The following CXCR4 variants were observed in gnomAD, a reference collection of about 807,000 sequenced individuals.
CXCR4 encodes the protein C-X-C chemokine receptor type 4.
CXCR4 carries 6 observed loss-of-function variants against 22.4 expected under a neutral mutation model. That is an observed-to-expected ratio of 0.27 (90% confidence interval 0.15 to 0.53). The LOEUF is 0.53. Ranked by LOEUF, CXCR4 falls within the 20% of genes least tolerant of loss-of-function variation. The pLI, the probability that CXCR4 is intolerant of heterozygous loss-of-function variation, is 0.96. For synonymous variants in CXCR4, 155 were observed against 171.7 expected (o/e 0.90, Z 0.76); for missense variants, 300 against 430.4 (o/e 0.70, Z 2.68).
rs1196568289 is a variant in CXCR4 at position 136,114,497 on chromosome 2, C to T, written c.*372G>A. 1.6e-5 allele frequency: 4 copies of T among 248,090 alleles called. No homozygotes were observed. Among genetic ancestry groups the T allele is most frequent in the East Asian group, 6.0e-5 (1 of 16,552 alleles). The allele number at this position is 248,090 out of a possible 1,614,324, so 15.4% of individuals were successfully genotyped here. A position where few individuals can be genotyped will look rare whatever the true frequency, so the allele number is the denominator to read the frequency against. On this transcript the variant is annotated 3_prime_UTR_variant, in exon 2 of 2. Coordinates refer to ENST00000241393, the MANE Select transcript of CXCR4 (RefSeq NM_003467.3). ...AGTGCCATCTTCTACAGCAAAATCA[C>T]GTCTTAAGAACAGGAAAAACGTTCC...
rs1221387101 is a variant in CXCR4, at chr2:136,115,801, T to C, written c.127A>G (p.Thr43Ala). 4 of 1,614,180 alleles carry C rather than the reference T, an allele frequency of 2.5e-6. No homozygotes were observed. Among genetic ancestry groups the C allele is most frequent in the Non-Finnish European group, 3.4e-6 (4 of 1,180,034 alleles). The change falls in exon 2 of 2, where the codon ACC (threonine) becomes GCC (alanine). Residue 43 changes from threonine to alanine, a missense_variant. Physicochemically the swap from Thr to Ala is moderately conservative, Grantham distance 58. This residue lies in a region of CXCR4 where 118 missense variants were observed against 188.2 expected (regional missense o/e 0.63). Coordinates refer to ENST00000241393, the MANE Select transcript of CXCR4 (RefSeq NM_003467.3). This position sits in a 1 kb window ranked among gnomAD's most constrained non-coding sequence, Gnocchi z 6.4. ...NANFNKIFLP[T>A]IYSIIFLTGI... is the part of the protein sequence containing the mutation. ...GTTAAGAAGATGATGGAGTAGATGG[T>C]GGGCAGGAAGATTTTATTGAAATTA...
chr2:136,115,458 TAGA>T lies in CXCR4; in HGVS notation c.467_469del (p.Val156_Tyr157delinsAsp). 6.2e-7 allele frequency: 1 copy of T among 1,614,208 alleles called. No homozygotes were observed. The highest frequency in any genetic ancestry group is 1.1e-5 in the South Asian group (1 of 91,086). On this transcript the variant is annotated inframe_deletion, in exon 2 of 2. Transcript: ENST00000241393. This position sits in a 1 kb window ranked among gnomAD's most constrained non-coding sequence, Gnocchi z 6.4. ...GAGGGCAGGGATCCAGACGCCAACA[TAGA>T]CCACCTTTTCAGCCAACAGCTTCCT...
rs961156208 is a variant in CXCR4, at chr2:136,115,202, G to C, written c.726C>G (p.Val242=). Residue 242 remains valine (V), a synonymous_variant, in exon 2 of 2, where the codon GTC becomes GTG. Coordinates refer to ENST00000241393, the MANE Select transcript of CXCR4 (RefSeq NM_003467.3). This position sits in a 1 kb window ranked among gnomAD's most constrained non-coding sequence, Gnocchi z 6.4. ...AGGCGAAGAAAGCCAGGATGAGGATGACTGTGGTCTTGAGGGCCTTGCGCT... is the reference window on the plus strand; with the variant it reads ...AGGCGAAGAAAGCCAGGATGAGGATCACTGTGGTCTTGAGGGCCTTGCGCT... ...HQKRKALKTT[V]ILILAFFACW... The C allele has an allele frequency of 3.1e-6, 5 of 1,613,932 alleles. No homozygotes were observed. The highest frequency in any genetic ancestry group is 4.2e-6 in the Non-Finnish European group (5 of 1,180,004).
In CXCR4 at chr2:136,114,944, G is replaced by T. The variant is rs777888690; in HGVS notation, c.984C>A (p.Ile328=). ...TSVSRGSSLK[I]LSKGKRGGHS... Reference sequence around the variant, plus strand: ...GTCCACCTCGCTTTCCTTTGGAGAGGATCTTGAGGCTGGACCCTCTGCTCA... The same window carrying T: ...GTCCACCTCGCTTTCCTTTGGAGAGTATCTTGAGGCTGGACCCTCTGCTCA... Residue 328 remains isoleucine (I), a synonymous_variant, in exon 2 of 2, where the codon ATC becomes ATA. Coordinates refer to ENST00000241393, the MANE Select transcript of CXCR4 (RefSeq NM_003467.3). 3.1e-6 allele frequency: 5 copies of T among 1,613,294 alleles called. No individual in the cohort carries two copies. In the Admixed American group the frequency reaches 8.3e-5, roughly 27 times the overall value.
At position 136,115,480 on chromosome 2, in the gene CXCR4, G is replaced by C. The variant is rs756056714; in HGVS notation, c.448C>G (p.Leu150Val). 6.2e-7 allele frequency: 1 copy of C among 1,614,230 alleles called. No individual in the cohort carries two copies. Among genetic ancestry groups the C allele is most frequent in the Non-Finnish European group, 8.5e-7 (1 of 1,180,048 alleles). Residue 150 changes from leucine (L) to valine (V), a missense_variant, in exon 2 of 2, where the codon CTG becomes GTG. Coordinates refer to ENST00000241393, the MANE Select transcript of CXCR4 (RefSeq NM_003467.3). This position sits in a 1 kb window ranked among gnomAD's most constrained non-coding sequence, Gnocchi z 6.4. Reference sequence around the variant, plus strand: ...ACATAGACCACCTTTTCAGCCAACAGCTTCCTTGGCCTCTGACTGTTGGTG... The same window carrying C: ...ACATAGACCACCTTTTCAGCCAACACCTTCCTTGGCCTCTGACTGTTGGTG... ...HATNSQRPRK[L>V]LAEKVVYVGV...
chr2:136,115,698 C>T lies in CXCR4; in HGVS notation c.230G>A (p.Arg77Lys). 3 of 1,614,210 alleles carry T rather than the reference C, an allele frequency of 1.9e-6. No homozygotes were observed. The highest frequency in any genetic ancestry group is 2.5e-6 in the Non-Finnish European group (3 of 1,180,038). The change falls in exon 2 of 2, where the codon AGG (arginine) becomes AAG (lysine). Residue 77 changes from arginine (R) to lysine (K), a missense_variant. Arg to Lys is a conservative substitution (Grantham distance 26, BLOSUM62 2). This residue lies in a region of CXCR4 where 118 missense variants were observed against 188.2 expected (regional missense o/e 0.63). Transcript: ENST00000241393. The surrounding 1 kb of genome is among the most constrained non-coding windows in gnomAD (Gnocchi z 6.4). Reference protein sequence around the residue: ...KKLRSMTDKYRLHLSVADLLF... With the variant: ...KKLRSMTDKYKLHLSVADLLF... ...GAGGTCGGCCACTGACAGGTGCAGC[C>T]TGTACTTGTCCGTCATGCTTCTCAG...
Position 136,116,220 on chromosome 2 carries a change from G to A in CXCR4, c.16-308C>T, listed in dbSNP as rs1467447497. 24 of 1,268,754 alleles carry A rather than the reference G, an allele frequency of 1.9e-5. No homozygotes were observed. In the African/African-American group the frequency reaches 2.9e-4, roughly 15 times the overall value. 78.6% of individuals were successfully genotyped at this position (1,268,754 alleles called of 1,614,324 possible). A position where few individuals can be genotyped will look rare whatever the true frequency, so the allele number is the denominator to read the frequency against. On this transcript the variant is annotated intron_variant, in intron 1 of 1. Coordinates refer to ENST00000241393, the MANE Select transcript of CXCR4 (RefSeq NM_003467.3). The stretch of plus-strand genomic sequence containing the variant: ...ACATCTTGGCTAACTCCTCTGCCCC[G>A]CCCACTAGAGGGAAGAAAAAAAACC...
At chr2:136,117,131 C>G (rs1000243153) in intron 1 of CXCR4, among the ~76,000 whole-genome samples, 2 of 152,238 alleles carry the variant, frequency 1.3e-5, no homozygotes, top group African/African-American at 4.8e-5. Flanking sequence ...TTGCACCTGC[C>G]AGTCTTCGCG....
intron 1 of CXCR4, among the ~76,000 whole-genome samples, chr2:136,117,015 C>T (rs1402811994): frequency 2.0e-5 from 3 of 152,354 alleles, no homozygotes; most frequent in South Asian, 2.1e-4. Flanking sequence ...CGCGCCGCTG[C>T]AGGAAACCAA....
chr2:136,115,923 G>T lies in CXCR4; in HGVS notation c.16-11C>A. ...ATCTGAAGTGTATATCTGCAAAAGAGGCAAAGGAATGGACATTCACTTCCA... is the reference window on the plus strand; with the variant it reads ...ATCTGAAGTGTATATCTGCAAAAGATGCAAAGGAATGGACATTCACTTCCA... On this transcript the variant is annotated splice_polypyrimidine_tract_variant and intron_variant, in intron 1 of 1. Transcript: ENST00000241393. This position sits in a 1 kb window ranked among gnomAD's most constrained non-coding sequence, Gnocchi z 6.4. The T allele has an allele frequency of 6.2e-7, 1 of 1,614,080 alleles. No individual in the cohort carries two copies. Among genetic ancestry groups the T allele is most frequent in the Non-Finnish European group, 8.5e-7 (1 of 1,180,014 alleles).
intron 1 of CXCR4, 197 bp downstream of exon 1, chr2:136,117,840 ACTCACAGAG>A (rs1674404188): frequency 1.9e-6 from 1 of 513,068 alleles, no homozygotes; most frequent in Admixed American, 3.5e-5. Context: ...TTTCTCCTCG[ACTCACAGAG>A]AAAAAGATTC....
rs1009306336 is a variant in CXCR4 at position 136,114,518 on chromosome 2, G to T, written c.*351C>A. 12 of 251,548 alleles carry T rather than the reference G, an allele frequency of 4.8e-5. No individual in the cohort carries two copies. The East Asian group carries it at 7.2e-4, about 15-fold the overall frequency. 15.6% of individuals were successfully genotyped at this position (251,548 alleles called of 1,614,324 possible). A position where few individuals can be genotyped will look rare whatever the true frequency, so the allele number is the denominator to read the frequency against. ...ATCACGTCTTAAGAACAGGAAAAACGTTCCACGGGAATGGAGAGATTATCT... is the reference window on the plus strand; with the variant it reads ...ATCACGTCTTAAGAACAGGAAAAACTTTCCACGGGAATGGAGAGATTATCT... On this transcript the variant is annotated 3_prime_UTR_variant, in exon 2 of 2. Transcript: ENST00000241393.
rs1684829777 is a variant in CXCR4 at position 136,114,542 on chromosome 2, CT to C, written c.*326del. The C allele has an allele frequency of 3.8e-6, 1 of 265,938 alleles. No homozygotes were observed. The highest frequency in any genetic ancestry group is 8.3e-5 in the South Asian group (1 of 12,076). The allele number at this position is 265,938 out of a possible 1,614,324, so 16.5% of individuals were successfully genotyped here. A position where few individuals can be genotyped will look rare whatever the true frequency, so the allele number is the denominator to read the frequency against. On this transcript the variant is annotated 3_prime_UTR_variant, in exon 2 of 2. Coordinates refer to ENST00000241393, the MANE Select transcript of CXCR4 (RefSeq NM_003467.3). ...CGTTCCACGGGAATGGAGAGATTAT[CT>C]ATGCATAAACAGCTGGGGATCATTT...
intron 1 of CXCR4, among the ~76,000 whole-genome samples, chr2:136,116,672 G>C (rs1684903568): frequency 6.6e-6 from 1 of 152,200 alleles, no homozygotes; most frequent in African/African-American, 2.4e-5. Flanking sequence ...TGGGACGTTA[G>C]GGAGCGGGGC....
rs1165657090 is a variant in CXCR4 at position 136,116,235 on chromosome 2, GA to G, written c.16-324del. 1.2e-5 allele frequency: 14 copies of G among 1,189,450 alleles called. No homozygotes were observed. In the Admixed American group the frequency reaches 1.3e-4, roughly 11 times the overall value. 73.7% of individuals were successfully genotyped at this position (1,189,450 alleles called of 1,614,324 possible). A position where few individuals can be genotyped will look rare whatever the true frequency, so the allele number is the denominator to read the frequency against. ...CCTCTGCCCCGCCCACTAGAGGGAA[GA>G]AAAAAAACCTTCCTTAGGAGGAAAA... On this transcript the variant is annotated intron_variant, in intron 1 of 1. Transcript: ENST00000241393.
In CXCR4 at chr2:136,115,254, T is replaced by C; in HGVS notation, c.674A>G (p.Lys225Arg). ...CTGGTGGCCCTTGGAGTGTGACAGC[T>C]TGGAGATGATAATGCAATAGCAGGA... Reference protein sequence around the residue: ...ILSCYCIIISKLSHSKGHQKR... With the variant: ...ILSCYCIIISRLSHSKGHQKR... The change falls in exon 2 of 2, where the codon AAG becomes AGG. Residue 225 changes from lysine to arginine, a missense_variant. Coordinates refer to ENST00000241393, the MANE Select transcript of CXCR4 (RefSeq NM_003467.3). The surrounding 1 kb of genome is among the most constrained non-coding windows in gnomAD (Gnocchi z 6.4). The C allele has an allele frequency of 6.2e-7, 1 of 1,614,002 alleles. No homozygotes were observed. Among genetic ancestry groups the C allele is most frequent in the Non-Finnish European group, 8.5e-7 (1 of 1,179,992 alleles).
At chr2:136,117,882 A>ACCCCCCCCCC in intron 1 of CXCR4, 164 bp downstream of exon 1, 2 of 110,668 alleles carry the variant, frequency 1.8e-5, no homozygotes, top group South Asian at 7.7e-5. Context: ...CCCCCCACCC[A>ACCCCCCCCCC]CCCGCACTAT....
At position 136,115,105 on chromosome 2, in the gene CXCR4, C is replaced by G; in HGVS notation, c.823G>C (p.Glu275Gln). 1.9e-6 allele frequency: 3 copies of G among 1,614,198 alleles called. No homozygotes were observed. The highest frequency in any genetic ancestry group is 2.5e-6 in the Non-Finnish European group (3 of 1,180,048). Reference sequence around the variant, plus strand: ...CACTTGTGCACAGTGTTCTCAAACTCACACCCTTGCTTGATGATTTCCAGG... The same window carrying G: ...CACTTGTGCACAGTGTTCTCAAACTGACACCCTTGCTTGATGATTTCCAGG... ...ILLEIIKQGC[E>Q]FENTVHKWIS... Residue 275 changes from glutamate (E) to glutamine (Q), a missense_variant, in exon 2 of 2, where the codon GAG becomes CAG. By Grantham distance (29) the Glu-to-Gln change is conservative (BLOSUM62 2). Transcript: ENST00000241393. This position sits in a 1 kb window ranked among gnomAD's most constrained non-coding sequence, Gnocchi z 6.4.
At position 136,115,541 on chromosome 2, in the gene CXCR4, G is replaced by A; in HGVS notation, c.387C>T (p.Phe129=). The part of the protein sequence containing the change: ...NLYSSVLILA[F]ISLDRYLAIV... ...TGGCCAGGTAGCGGTCCAGACTGAT[G>A]AAGGCCAGGATGAGGACACTGCTGT... Residue 129 remains phenylalanine, a synonymous_variant, in exon 2 of 2, where the codon TTC becomes TTT. Coordinates refer to ENST00000241393, the MANE Select transcript of CXCR4 (RefSeq NM_003467.3). The surrounding 1 kb of genome is among the most constrained non-coding windows in gnomAD (Gnocchi z 6.4). 6.2e-7 allele frequency: 1 copy of A among 1,614,218 alleles called. No homozygotes were observed. Among genetic ancestry groups the A allele is most frequent in the Non-Finnish European group, 8.5e-7 (1 of 1,180,028 alleles).
Sources: allele counts gnomAD v4.1 joint callset (sites outside exome capture counted in the v4.1 genomes callset), GRCh38; gene constraint gnomAD v4.1.1; regional missense constraint gnomAD v4.1.1; non-coding constraint Gnocchi (gnomAD v3.1); transcripts MANE v1.5; gene names NCBI Gene and HGNC (gene_info 2026-07-23, HGNC 2026-07-21).